PDE4D: variants seen among roughly 807,000 people sequenced by gnomAD.
PDE4D encodes the protein 3',5'-cyclic-AMP phosphodiesterase 4D.
PDE4D carries 24 observed loss-of-function variants against 87.4 expected under a neutral mutation model. The observed-to-expected ratio is 0.27, with a 90% CI of 0.20 to 0.39. PDE4D has a LOEUF of 0.39. Ranked by LOEUF, PDE4D falls within the 10% of genes least tolerant of loss-of-function variation. PDE4D has a pLI of 1.00. For synonymous variants in PDE4D, 384 were observed against 383.2 expected (o/e 1.00, Z -0.02); for missense variants, 714 against 1,041.0 (o/e 0.69, Z 4.32).
intron 3 of PDE4D, among the ~76,000 whole-genome samples, chr5:59,189,822 C>G (rs1213237982): frequency 1.3e-5 from 2 of 152,004 alleles, no homozygotes; most frequent in Non-Finnish European, 2.9e-5. Flanking sequence ...TTCTGAGGAC[C>G]AAAGGGATTC....
intron 1 of PDE4D, among the ~76,000 whole-genome samples, chr5:60,239,318 A>G (rs948316935): frequency 1.3e-5 from 2 of 152,118 alleles, no homozygotes; most frequent in African/African-American, 4.8e-5. Flanking sequence ...CAATATCCCA[A>G]TGTCTTAATC....
chr5:60,054,728 A>T (rs1770593229), intron 2 of PDE4D, among the ~76,000 whole-genome samples: 2 of 152,120 alleles, frequency 1.3e-5, no homozygotes, highest in Admixed American at 1.3e-4. Context: ...TCAAGAGTTC[A>T]TAAGCCTTTT....
intron 1 of PDE4D, among the ~76,000 whole-genome samples, chr5:59,304,928 G>T (rs1410276620): frequency 6.6e-6 from 1 of 152,036 alleles, no homozygotes; most frequent in African/African-American, 2.4e-5. Context: ...ATTAGGGAAG[G>T]TTCCTTCTTT....
chr5:59,118,655 C>G (rs896124409), intron 5 of PDE4D, among the ~76,000 whole-genome samples: 2 of 152,198 alleles, frequency 1.3e-5, no homozygotes, highest in African/African-American at 4.8e-5. Flanking sequence ...TTAAGTTTTG[C>G]TTTCTTCCCA....
chr5:60,313,040 C>A (rs1160419723), intron 1 of PDE4D, among the ~76,000 whole-genome samples: 1 of 151,610 alleles, frequency 6.6e-6, no homozygotes, highest in Non-Finnish European at 1.5e-5. Flanking sequence ...GCAAACCAAC[C>A]CAAAAGCTAG....
chr5:59,086,600 A>G (rs1242636876), intron 5 of PDE4D, among the ~76,000 whole-genome samples: 1 of 152,174 alleles, frequency 6.6e-6, no homozygotes, highest in South Asian at 2.1e-4. Flanking sequence ...CCCAGCTTAC[A>G]TTGCTCTTCC....
intron 1 of PDE4D, among the ~76,000 whole-genome samples, chr5:59,602,633 T>A (rs796810669): frequency 2.6e-5 from 4 of 152,150 alleles, no homozygotes; most frequent in African/African-American, 9.6e-5. Flanking sequence ...ACAGATTCAT[T>A]ATAAGCCCTA....
chr5:59,034,333 T>G (rs1463949196), intron 6 of PDE4D, among the ~76,000 whole-genome samples: 1 of 152,208 alleles, frequency 6.6e-6, no homozygotes, highest in East Asian at 1.9e-4. Context: ...AATATGTTAA[T>G]GTAGAAAACA....
intron 1 of PDE4D, among the ~76,000 whole-genome samples, chr5:59,722,859 T>C (rs370657575): frequency 7.2e-5 from 11 of 152,280 alleles, no homozygotes; most frequent in African/African-American, 2.6e-4. Context: ...AGGTGCATAG[T>C]AGGAATTCAG....
chr5:60,161,613 T>A (rs1426910553), intron 2 of PDE4D, among the ~76,000 whole-genome samples: 1 of 152,162 alleles, frequency 6.6e-6, no homozygotes, highest in East Asian at 1.9e-4. Context: ...ATTTTTCAGA[T>A]CTGTGCAAAC....
intron 1 of PDE4D, among the ~76,000 whole-genome samples, chr5:60,411,160 A>C (rs184686312): frequency 1.9e-3 from 293 of 152,286 alleles, no homozygotes; most frequent in Middle Eastern, 3.4e-3. Flanking sequence ...TTCAAGTCAC[A>C]CTCATTCTAG....
At chr5:59,549,703 A>C (rs899246403) in intron 1 of PDE4D, among the ~76,000 whole-genome samples, 10 of 152,128 alleles carry the variant, frequency 6.6e-5, no homozygotes, top group Non-Finnish European at 1.3e-4. Context: ...ACTCCACAGC[A>C]AAACAGGCAT....
chr5:60,114,753 A>G (rs1263491397), intron 2 of PDE4D, among the ~76,000 whole-genome samples: 4 of 152,224 alleles, frequency 2.6e-5, no homozygotes, highest in African/African-American at 9.6e-5. Flanking sequence ...ATAACATAGA[A>G]TGTCACAGTG....
chr5:59,591,966 A>G (rs1388259004), intron 1 of PDE4D, among the ~76,000 whole-genome samples: 1 of 152,146 alleles, frequency 6.6e-6, no homozygotes, highest in African/African-American at 2.4e-5. Flanking sequence ...ATGAGTTTTC[A>G]CATGTGTGTA....
chr5:60,248,585 C>G (rs905538113), intron 1 of PDE4D, among the ~76,000 whole-genome samples: 3 of 152,100 alleles, frequency 2.0e-5, no homozygotes, highest in African/African-American at 7.2e-5. Context: ...ACCATGGTAA[C>G]AGACTCAGGT....
intron 1 of PDE4D, among the ~76,000 whole-genome samples, chr5:59,263,519 C>T (rs1762370002): frequency 6.6e-6 from 1 of 151,838 alleles, no homozygotes; most frequent in East Asian, 1.9e-4. Context: ...TGTAAAATGA[C>T]AACAGTTTAA....
intron 1 of PDE4D, among the ~76,000 whole-genome samples, chr5:59,700,370 G>T (rs544673591): frequency 6.6e-6 from 1 of 151,978 alleles, no homozygotes; most frequent in East Asian, 1.9e-4. Context: ...TGCCACAAAG[G>T]TTAAAAAATT....
chr5:59,365,705 T>TG (rs1015716536), intron 1 of PDE4D, among the ~76,000 whole-genome samples: 4 of 152,126 alleles, frequency 2.6e-5, no homozygotes, highest in African/African-American at 9.7e-5. Flanking sequence ...GCTCCGTGGC[T>TG]GGGGGTACAG....
chr5:60,460,449 TG>T, intron 1 of PDE4D: 1 of 1,501,692 alleles, frequency 6.7e-7, no homozygotes, highest in Non-Finnish European at 9.2e-7. Flanking sequence ...TGACAAATGT[TG>T]TTACCCCAAA....
Sources: allele counts gnomAD v4.1 joint callset (sites outside exome capture counted in the v4.1 genomes callset), GRCh38; gene constraint gnomAD v4.1.1; transcripts MANE v1.5; gene names NCBI Gene and HGNC (gene_info 2026-07-23, HGNC 2026-07-21).